SCN10A: variants seen among roughly 807,000 people sequenced by gnomAD.
SCN10A encodes the protein sodium voltage-gated channel alpha subunit 10, also known as sodium channel protein type 10 subunit alpha.
SCN10A carries 162 observed loss-of-function variants against 170.7 expected under a neutral mutation model. That is an observed-to-expected ratio of 0.95 (90% CI 0.84 to 1.08). The LOEUF (loss-of-function observed/expected upper bound fraction) is 1.08, where lower values mean the gene tolerates loss of function less well. SCN10A is among the 50% of genes least tolerant of loss of function. The pLI is 0.00. For missense variants in SCN10A, 2,527 were observed against 2,436.9 expected, an observed-to-expected ratio of 1.04 and a Z score of -0.78; for synonymous variants, 985 against 904.6, an observed-to-expected ratio of 1.09 and a Z score of -1.59.
intron 1 of SCN10A, among the ~76,000 whole-genome samples, chr3:38,807,019 C>T (rs1031395385): frequency 9.2e-5 from 14 of 152,124 alleles, no homozygotes; most frequent in African/African-American, 1.9e-4. Flanking sequence ...CCCAAATTTT[C>T]GTCCTATTAT....
At chr3:38,806,303 G>A (rs893152144) in intron 1 of SCN10A, among the ~76,000 whole-genome samples, 1 of 152,102 alleles carries the variant, frequency 6.6e-6, no homozygotes, top group African/African-American at 2.4e-5. Flanking sequence ...CTTTACCTCC[G>A]TATCATCTCT....
At chr3:38,753,345 C>A (rs1239411869) in intron 11 of SCN10A, among the ~76,000 whole-genome samples, 1 of 152,158 alleles carries the variant, frequency 6.6e-6, no homozygotes, top group Non-Finnish European at 1.5e-5. Flanking sequence ...CTCAGGTGGT[C>A]TATAGTATGT....
At chr3:38,791,665 A>G (rs1457340596) in intron 3 of SCN10A, among the ~76,000 whole-genome samples, 1 of 152,174 alleles carries the variant, frequency 6.6e-6, no homozygotes, top group Non-Finnish European at 1.5e-5. Flanking sequence ...CATCTGCCCA[A>G]AGAAGGCTTG....
In SCN10A at chr3:38,757,159, G is replaced by A; in HGVS notation, c.951C>T (p.Gly317=). The change falls in exon 9 of 28, where the codon GGC becomes GGT. Residue 317 remains glycine (G), a splice_region_variant and synonymous_variant. Coordinates refer to ENST00000449082, the MANE Select transcript of SCN10A (RefSeq NM_006514.4). ...GGCAGATATAACCATCAGGGCAGTGGCTGCAGCAAGAACAGAGAAGGTCAT... is the reference window on the plus strand; with the variant it reads ...GGCAGATATAACCATCAGGGCAGTGACTGCAGCAAGAACAGAGAAGGTCAT... ...PLLCGNGSDS[G]HCPDGYICLK... The A allele has an allele frequency of 1.3e-6, 2 of 1,595,564 alleles. No homozygotes were observed. Among genetic ancestry groups the A allele is most frequent in the Non-Finnish European group, 1.7e-6 (2 of 1,171,930 alleles).
At chr3:38,738,455 G>A (rs1237088722) in intron 15 of SCN10A, among the ~76,000 whole-genome samples, 2 of 152,078 alleles carry the variant, frequency 1.3e-5, no homozygotes, top group South Asian at 2.1e-4. Context: ...CTGTCTCACT[G>A]GCCCCTGTGA....
chr3:38,711,273 TG>T (rs2063270911), intron 23 of SCN10A, among the ~76,000 whole-genome samples: 1 of 152,186 alleles, frequency 6.6e-6, no homozygotes, highest in Admixed American at 6.5e-5. Context: ...CTTATGCACA[TG>T]ATGTAAGAAT....
At position 38,698,143 on chromosome 3, in the gene SCN10A, C is replaced by T. The variant is rs761742228; in HGVS notation, c.5077G>A (p.Gly1693Arg). 1 of 1,614,174 alleles carries T rather than the reference C, an allele frequency of 6.2e-7. No individual in the cohort carries two copies. Among genetic ancestry groups the T allele is most frequent in the Non-Finnish European group, 8.5e-7 (1 of 1,180,038 alleles). Residue 1693 changes from glycine (G) to arginine (R), a missense_variant, in exon 28 of 28, where the codon GGG becomes AGG. Coordinates refer to ENST00000449082, the MANE Select transcript of SCN10A (RefSeq NM_006514.4). ...PNSNGTRGDC[G>R]SPAVGIIFFT... ...AAGATGATGCCTACGGCTGGGCTCC[C>T]ACAGTCCCCTCTGGTGCCATTGCTG... is the stretch of plus-strand genomic sequence containing the variant.
intron 21 of SCN10A, 134 bp from the exon 22 acceptor site, chr3:38,714,214 G>A (rs371808910): frequency 3.6e-5 from 38 of 1,050,308 alleles, no homozygotes; most frequent in East Asian, 1.7e-4. Context: ...CACCTTATTC[G>A]GAACTCCAAT....
chr3:38,764,150 C>A (rs1448294931), intron 5 of SCN10A, among the ~76,000 whole-genome samples: 1 of 152,194 alleles, frequency 6.6e-6, no homozygotes, highest in Non-Finnish European at 1.5e-5. Flanking sequence ...GACACCCATG[C>A]AAATCTTTTT....
Position 38,728,789 on chromosome 3 carries a change from A to C in SCN10A, c.2393T>G (p.Val798Gly), listed in dbSNP as rs2063484801. The change falls in exon 16 of 28, where the codon GTC (valine) becomes GGC (glycine). Residue 798 changes from valine (V) to glycine (G), a missense_variant. By Grantham distance (109) the Val-to-Gly change is moderately radical. Transcript: ENST00000449082. ...CTTGCCAACCAGAGCAAAGACAAAG[A>C]CAATGATGGCCAGGATGATGGTGAG... ...GNLTIILAII[V>G]FVFALVGKQL... The C allele has an allele frequency of 6.2e-7, 1 of 1,614,130 alleles. No individual in the cohort carries two copies. The highest frequency in any genetic ancestry group is 8.5e-7 in the Non-Finnish European group (1 of 1,180,044).
At chr3:38,737,800 C>CTTTCTTTCTTTCTTTCTTTCTT (rs2063583661) in intron 15 of SCN10A, among the ~76,000 whole-genome samples, 1 of 86,790 alleles carries the variant, frequency 1.2e-5, no homozygotes, top group African/African-American at 5.3e-5. Flanking sequence ...CTCCCTTCCT[C>CTTTCTTTCTTTCTTTCTTTCTT]TTTCTTTCTT....
intron 13 of SCN10A, among the ~76,000 whole-genome samples, chr3:38,746,824 C>T (rs1211682302): frequency 1.3e-5 from 2 of 152,178 alleles, no homozygotes; most frequent in East Asian, 3.9e-4. Context: ...CTCCAGTAAG[C>T]TCACTGCTGT....
At position 38,722,341 on chromosome 3, in the gene SCN10A, G is replaced by A. The variant is rs774491733; in HGVS notation, c.3424C>T (p.Arg1142Cys). Residue 1142 changes from arginine (R) to cysteine (C), a missense_variant, in exon 20 of 28, where the codon CGC (arginine) becomes TGC (cysteine). Physicochemically the swap from Arg to Cys is radical, Grantham distance 180. Coordinates refer to ENST00000449082, the MANE Select transcript of SCN10A (RefSeq NM_006514.4). ...TCCACGATACGGTAGCAAGTCTTGC[G>A]CACCTGCCAGCCCACATCCCATGGA... is the stretch of plus-strand genomic sequence containing the variant. ...KSPWDVGWQV[R>C]KTCYRIVEHS... is the part of the protein sequence containing the mutation. 19 of 1,614,064 alleles carry A rather than the reference G, an allele frequency of 1.2e-5. No individual in the cohort carries two copies. The highest frequency in any genetic ancestry group is 1.7e-4 in the Middle Eastern group (1 of 6,060).
chr3:38,788,728 A>G (rs1007776521), intron 4 of SCN10A, among the ~76,000 whole-genome samples: 1 of 152,156 alleles, frequency 6.6e-6, no homozygotes, highest in African/African-American at 2.4e-5. Context: ...ATATGCAGCC[A>G]AAGTTGAGAA....
intron 4 of SCN10A, among the ~76,000 whole-genome samples, chr3:38,772,781 T>C (rs1210148612): frequency 6.7e-6 from 1 of 148,938 alleles, no homozygotes; most frequent in Non-Finnish European, 1.5e-5. Context: ...AGTTAAGAGG[T>C]GAGAAGAGGC....
chr3:38,804,056 A>C (rs62244116), intron 1 of SCN10A, among the ~76,000 whole-genome samples: 3,895 of 152,216 alleles, frequency 0.026, 75 homozygotes, highest in Non-Finnish European at 0.039. Flanking sequence ...TGAAGCCTAT[A>C]GTTTCTGTAG....
At chr3:38,723,050 G>C (rs1156509632) in intron 19 of SCN10A, among the ~76,000 whole-genome samples, 1 of 152,180 alleles carries the variant, frequency 6.6e-6, no homozygotes, top group African/African-American at 2.4e-5. Context: ...AAAAGATTGA[G>C]GGAAGCAGAT....
intron 13 of SCN10A, 61 bp downstream of exon 13, chr3:38,750,012 G>A (rs2063730660): frequency 4.4e-6 from 4 of 911,834 alleles, no homozygotes; most frequent in African/African-American, 1.6e-5. Flanking sequence ...CATTGCTTCT[G>A]CTGCTCACAT....
Position 38,793,817 on chromosome 3 carries a change from T to G in SCN10A, c.194A>C (p.Lys65Thr). 1 of 1,613,964 alleles carries G rather than the reference T, an allele frequency of 6.2e-7. No homozygotes were observed. Among genetic ancestry groups the G allele is most frequent in the South Asian group, 1.1e-5 (1 of 91,058 alleles). The part of the protein sequence containing the change: ...LDLKACNQLP[K>T]FYGELPAELI... ...TTCTGCTGGGAGCTCACCATAGAAC[T>G]TGGGCAGCTGGTTGCAGGCTTTCAA... The change falls in exon 2 of 28, where the codon AAG (lysine) becomes ACG (threonine). Residue 65 changes from lysine to threonine, a missense_variant. By Grantham distance (78) the Lys-to-Thr change is moderately conservative (BLOSUM62 -1). Coordinates refer to ENST00000449082, the MANE Select transcript of SCN10A (RefSeq NM_006514.4).
Sources: allele counts gnomAD v4.1 joint callset (sites outside exome capture counted in the v4.1 genomes callset), GRCh38; gene constraint gnomAD v4.1.1; transcripts MANE v1.5; gene names NCBI Gene and HGNC (gene_info 2026-07-23, HGNC 2026-07-21).